ZNF777: variants seen among roughly 807,000 people sequenced by gnomAD.
ZNF777 encodes the protein zinc finger protein 777.
Under a neutral mutation model 72.1 loss-of-function variants are expected in ZNF777, and 7 were observed. The ratio of observed to expected loss-of-function variants is 0.10; its 90% CI spans 0.06 to 0.18. The LOEUF (loss-of-function observed/expected upper bound fraction) is 0.18. Ranked by LOEUF, ZNF777 falls within the 10% of genes least tolerant of loss-of-function variation. ZNF777 has a pLI of 1.00. For synonymous variants in ZNF777, 545 were observed against 483.5 expected, an observed-to-expected ratio of 1.13 and a Z score of -1.67; for missense variants, 828 against 1,128.6, an observed-to-expected ratio of 0.73 and a Z score of 3.82.
In ZNF777 at chr7:149,460,052, G is replaced by A. The variant is rs1389737952; in HGVS notation, c.-16+763C>T. 4 of 980,972 alleles carry A rather than the reference G, an allele frequency of 4.1e-6. No homozygotes were observed. The highest frequency in any genetic ancestry group is 4.8e-6 in the Non-Finnish European group (4 of 828,306). The allele number at this position is 980,972 out of a possible 1,614,324, so 60.8% of individuals were successfully genotyped here. A position where few individuals can be genotyped will look rare whatever the true frequency, so the allele number is the denominator to read the frequency against. ...TACCGAGATCCCAGGCCGGGCCGCC[G>A]AGCCCGGGACACGCAGGCCGTCCCC... On this transcript the variant is annotated intron_variant, in intron 1 of 5. Transcript: ENST00000247930. This position sits in a 1 kb window ranked among gnomAD's most constrained non-coding sequence, Gnocchi z 6.1.
At chr7:149,434,621 C>T (rs1168350274) in intron 5 of ZNF777, among the ~76,000 whole-genome samples, 9 of 152,288 alleles carry the variant, frequency 5.9e-5, no homozygotes, top group South Asian at 2.1e-4. Flanking sequence ...CTGGCTCTAT[C>T]GCTCAGGCTG....
At chr7:149,440,724 T>TTTCAGGGAC (rs1799500926) in intron 4 of ZNF777, among the ~76,000 whole-genome samples, 1 of 149,744 alleles carries the variant, frequency 6.7e-6, no homozygotes, top group Non-Finnish European at 1.5e-5. Flanking sequence ...AGAAGCCACA[T>TTTCAGGGAC]TTCAGGGACC....
chr7:149,439,395 A>T (rs1799469395), intron 4 of ZNF777, among the ~76,000 whole-genome samples: 1 of 152,208 alleles, frequency 6.6e-6, no homozygotes. Flanking sequence ...ATAAACATAT[A>T]AAATGCATCA....
intron 5 of ZNF777, 57 bp from the exon 6 acceptor site, chr7:149,432,989 C>T (rs57185523): frequency 0.13 from 192,675 of 1,446,762 alleles, 15,552 homozygotes; most frequent in East Asian, 0.42. Context: ...CCCTAACCTA[C>T]CTGGATGGAG....
chr7:149,460,134 C>A lies in ZNF777; in HGVS notation c.-16+681G>T, dbSNP rs1331253899. On this transcript the variant is annotated intron_variant, in intron 1 of 5. Coordinates refer to ENST00000247930, the MANE Select transcript of ZNF777 (RefSeq NM_015694.3). This position sits in a 1 kb window ranked among gnomAD's most constrained non-coding sequence, Gnocchi z 6.1. ...CGGGCCGCCCTCACAGGAGCCGGGG[C>A]CGCCTCGGCCATGGCCCTGCGCTGT... 4.1e-6 allele frequency: 4 copies of A among 980,666 alleles called. No homozygotes were observed. Among genetic ancestry groups the A allele is most frequent in the Non-Finnish European group, 4.8e-6 (4 of 827,850 alleles). The allele number at this position is 980,666 out of a possible 1,614,324, so 60.7% of individuals were successfully genotyped here.
rs1366023432 is a variant in ZNF777, at chr7:149,432,435, G to C, written c.1837C>G (p.Pro613Ala). The C allele has an allele frequency of 3.7e-6, 6 of 1,613,346 alleles. No individual in the cohort carries two copies. Among genetic ancestry groups the C allele is most frequent in the Admixed American group, 1.7e-5 (1 of 59,998 alleles). ...GGACGCGGCTTGAGCGCGTGCTTGG[G>C]GTTGAACGTGGGCCCGCGTTCGGGT... ...VSPERGPTFN[P>A]KHALKPRPKS... The change falls in exon 6 of 6, where the codon CCC (proline) becomes GCC (alanine). Residue 613 changes from proline (P) to alanine (A), a missense_variant. Coordinates refer to ENST00000247930, the MANE Select transcript of ZNF777 (RefSeq NM_015694.3).
In ZNF777 at chr7:149,432,742, G is replaced by C. The variant is rs745544962; in HGVS notation, c.1530C>G (p.Asn510Lys). The part of the protein sequence containing the change: ...EESPPPLQLG[N>K]PAVKRLAPSV... ...AGGGCGCCAGCCTTTTCACTGCGGG[G>C]TTTCCTAGCTGCAGGGGCGGGGGGC... Residue 510 changes from asparagine to lysine, a missense_variant, in exon 6 of 6, where the codon AAC becomes AAG. Physicochemically the swap from Asn to Lys is moderately conservative, Grantham distance 94 (BLOSUM62 0). Around this residue, in one of 12 missense-constraint regions of ZNF777, gnomAD observed 219 missense variants for 223.0 expected, o/e 0.98. Coordinates refer to ENST00000247930, the MANE Select transcript of ZNF777 (RefSeq NM_015694.3). 6.2e-7 allele frequency: 1 copy of C among 1,611,806 alleles called. No homozygotes were observed. The highest frequency in any genetic ancestry group is 8.5e-7 in the Non-Finnish European group (1 of 1,178,470).
intron 4 of ZNF777, among the ~76,000 whole-genome samples, chr7:149,441,399 T>G (rs1330042628): frequency 2.0e-5 from 3 of 152,238 alleles, no homozygotes; most frequent in African/African-American, 7.2e-5. Flanking sequence ...AAGAAATTCA[T>G]ACCTAAGTTT....
chr7:149,439,795 T>C (rs534966458), intron 4 of ZNF777, among the ~76,000 whole-genome samples: 5 of 152,354 alleles, frequency 3.3e-5, no homozygotes, highest in Non-Finnish European at 7.3e-5. Context: ...TGGCTTAAGT[T>C]ATCCTTAGTG....
intron 4 of ZNF777, among the ~76,000 whole-genome samples, chr7:149,440,537 T>C (rs941022653): frequency 8.5e-5 from 13 of 152,224 alleles, no homozygotes; most frequent in East Asian, 1.9e-4. Context: ...TTTAAAGTTT[T>C]TGTAGAGACG....
intron 1 of ZNF777, among the ~76,000 whole-genome samples, chr7:149,456,743 C>T (rs117483136): frequency 0.017 from 2,623 of 152,256 alleles, 57 homozygotes; most frequent in Non-Finnish European, 0.018. Context: ...CTGAAGTTTC[C>T]CAGACTCTTA....
Position 149,431,514 on chromosome 7 carries a change from T to A in ZNF777, c.*262A>T, listed in dbSNP as rs1481148934. Reference sequence around the variant, plus strand: ...CCCCCGTGCTGATTGGTTTCATCCATTTTATTGTCAAGGAAATTAACAGCC... The same window carrying A: ...CCCCCGTGCTGATTGGTTTCATCCAATTTATTGTCAAGGAAATTAACAGCC... On this transcript the variant is annotated 3_prime_UTR_variant, in exon 6 of 6. Transcript: ENST00000247930. 2.2e-6 allele frequency: 1 copy of A among 454,520 alleles called. No individual in the cohort carries two copies. The highest frequency in any genetic ancestry group is 1.6e-5 in the South Asian group (1 of 63,440). The allele number at this position is 454,520 out of a possible 1,614,324, so 28.2% of individuals were successfully genotyped here.
At chr7:149,458,944 T>G (rs114957357) in intron 1 of ZNF777, among the ~76,000 whole-genome samples, 2,746 of 152,274 alleles carry the variant, frequency 0.018, 84 homozygotes, top group African/African-American at 0.063. Flanking sequence ...AGTGGATGGA[T>G]TCTCCAGGAT....
At chr7:149,442,839 T>C (rs1191852656) in intron 4 of ZNF777, among the ~76,000 whole-genome samples, 3 of 152,110 alleles carry the variant, frequency 2.0e-5, no homozygotes, top group Non-Finnish European at 2.9e-5. Flanking sequence ...TTATGGAAAG[T>C]CAAATAAAAA....
chr7:149,443,156 G>A (rs1465729638), intron 4 of ZNF777, among the ~76,000 whole-genome samples: 3 of 152,080 alleles, frequency 2.0e-5, no homozygotes, highest in Non-Finnish European at 2.9e-5. Context: ...CAATGGCAGA[G>A]TATTTAAATA....
At chr7:149,441,400 A>G (rs1458507093) in intron 4 of ZNF777, among the ~76,000 whole-genome samples, 2 of 152,232 alleles carry the variant, frequency 1.3e-5, no homozygotes, top group East Asian at 3.8e-4. Flanking sequence ...AGAAATTCAT[A>G]CCTAAGTTTT....
At chr7:149,457,016 G>A (rs912085945) in intron 1 of ZNF777, among the ~76,000 whole-genome samples, 60 of 152,162 alleles carry the variant, frequency 3.9e-4, no homozygotes, top group Non-Finnish European at 5.9e-4. Context: ...TGGGGTTTCC[G>A]ACATGGGGAA....
Position 149,447,420 on chromosome 7 carries a change from G to A in ZNF777, c.1087+3579C>T, listed in dbSNP as rs570609321. On this transcript the variant is annotated intron_variant, in intron 4 of 5. Transcript: ENST00000247930. ...ATCTCAAACCTAATGTGTTCAAAAC[G>A]GAATTCTCAGTGTTTCTCCAAATCT... is the stretch of plus-strand genomic sequence containing the variant. Among the ~76,000 whole-genome samples the A allele has an allele frequency of 9.2e-5, 14 of 152,160 alleles. No individual in the cohort carries two copies. The South Asian group carries it at 2.1e-3, about 23-fold the overall frequency.
rs1585688621 is a variant in ZNF777, at chr7:149,436,470, G to A, written c.1339+105C>T. On this transcript the variant is annotated intron_variant, in intron 5 of 5. Transcript: ENST00000247930. The surrounding 1 kb of genome is among the most constrained non-coding windows in gnomAD (Gnocchi z 5.0). ...TTCTTTCCCACCTGTTGCCCCATCAGTGTCCAGCTACCTCTCTGAAGGAAC... is the reference window on the plus strand; with the variant it reads ...TTCTTTCCCACCTGTTGCCCCATCAATGTCCAGCTACCTCTCTGAAGGAAC... 2 of 1,359,318 alleles carry A rather than the reference G, an allele frequency of 1.5e-6. No individual in the cohort carries two copies. Among genetic ancestry groups the A allele is most frequent in the Admixed American group, 2.2e-5 (1 of 44,886 alleles). 84.2% of individuals were successfully genotyped at this position (1,359,318 alleles called of 1,614,324 possible). A position where few individuals can be genotyped will look rare whatever the true frequency, so the allele number is the denominator to read the frequency against.
Sources: gnomAD v4.1 joint callset for allele counts (sites outside exome capture counted in the v4.1 genomes callset) on GRCh38, gnomAD v4.1.1 for gene constraint, gnomAD v4.1.1 regional missense constraint, Gnocchi (gnomAD v3.1) non-coding constraint, MANE v1.5 for transcripts, NCBI Gene and HGNC (gene_info 2026-07-23, HGNC 2026-07-21) for gene names.